Variants in CEP350 observed in about 807,000 individuals in gnomAD.
CEP350 encodes the protein centrosome-associated protein 350.
In CEP350, 126 loss-of-function variants were observed where a neutral mutation model predicts 331.8. The observed-to-expected ratio is 0.38, with a 90% CI of 0.33 to 0.44. The LOEUF is 0.44. CEP350 is among the 20% of genes least tolerant of loss of function. The pLI, the probability that CEP350 is intolerant of heterozygous loss-of-function variation, is 1.00. For synonymous variants in CEP350, 1,200 were observed against 1,259.5 expected, an observed-to-expected ratio of 0.95 and a Z score of 1.00; for missense variants, 3,406 against 3,634.6, an observed-to-expected ratio of 0.94 and a Z score of 1.62.
At chr1:180,078,796 A>T in intron 29 of CEP350, 122 bp downstream of exon 29, 2 of 774,342 alleles carry the variant, frequency 2.6e-6, no homozygotes, top group Non-Finnish European at 4.0e-6. Context: ...AACATATAGG[A>T]TATAACATTT....
chr1:180,090,270 G>A (rs916974303), intron 32 of CEP350, among the ~76,000 whole-genome samples: 1 of 151,996 alleles, frequency 6.6e-6, no homozygotes, highest in African/African-American at 2.4e-5. Flanking sequence ...GATGAGGCCG[G>A]GCGCGGTGGC....
rs550607509 is a variant in CEP350, at chr1:180,052,345, T to C, written c.4793-625T>C. ...TGAGCCCCTGTGCCTGGCCCCTAGA[T>C]TGTGGTTTCTAAATATCATTCTTTA... is the stretch of plus-strand genomic sequence containing the variant. On this transcript the variant is annotated intron_variant, in intron 22 of 37. Transcript: ENST00000367607. The C allele has an allele frequency of 2.3e-4, 87 of 373,422 alleles. No homozygotes were observed. In the Middle Eastern group the frequency reaches 2.4e-3, roughly 10 times the overall value. 23.1% of individuals were successfully genotyped at this position (373,422 alleles called of 1,614,324 possible). A position where few individuals can be genotyped will look rare whatever the true frequency, so the allele number is the denominator to read the frequency against.
At chr1:180,100,077 C>T (rs1051959181) in intron 37 of CEP350, among the ~76,000 whole-genome samples, 33 of 152,156 alleles carry the variant, frequency 2.2e-4, no homozygotes, top group African/African-American at 8.0e-4. Context: ...TGAGCCACCG[C>T]GCCCAGTGTC....
intron 37 of CEP350, among the ~76,000 whole-genome samples, chr1:180,102,134 ATTTTTTTTTTT>A (rs750296355): frequency 1.5e-5 from 2 of 133,930 alleles, no homozygotes; most frequent in Non-Finnish European, 3.2e-5. Context: ...CACCCTTGAC[ATTTTTTTTTTT>A]TTTTTTTTGA....
intron 32 of CEP350, among the ~76,000 whole-genome samples, chr1:180,089,157 G>C (rs1660026774): frequency 6.6e-6 from 1 of 152,150 alleles, no homozygotes; most frequent in African/African-American, 2.4e-5. Context: ...AGATCTTTCT[G>C]ACCACAATAC....
chr1:180,079,394 TAGAA>T (rs1448572105), intron 29 of CEP350, among the ~76,000 whole-genome samples: 1 of 151,998 alleles, frequency 6.6e-6, no homozygotes, highest in Non-Finnish European at 1.5e-5. Flanking sequence ...TTTATTGTGA[TAGAA>T]AGAATTAATT....
rs1478290832 is a variant in CEP350, at chr1:180,075,236, C to T, written c.5767+15C>T. On this transcript the variant is annotated intron_variant, in intron 28 of 37. Transcript: ENST00000367607. ...AGAACAGAAAGGTAATAAATACTAA[C>T]TCTGTTCACACTACAAACTAAAGCC... 8 of 1,584,530 alleles carry T rather than the reference C, an allele frequency of 5.0e-6. No individual in the cohort carries two copies. Among genetic ancestry groups the T allele is most frequent in the Non-Finnish European group, 6.9e-6 (8 of 1,162,420 alleles).
chr1:179,967,818 C>G (rs1363173856), intron 1 of CEP350, among the ~76,000 whole-genome samples: 1 of 152,098 alleles, frequency 6.6e-6, no homozygotes, highest in Non-Finnish European at 1.5e-5. Flanking sequence ...AATATGTATG[C>G]ACACGTATAC....
In CEP350 at chr1:180,020,396, C is replaced by T. The variant is rs1025319470; in HGVS notation, c.2622C>T (p.Thr874=). 2.5e-6 allele frequency: 4 copies of T among 1,613,662 alleles called. No individual in the cohort carries two copies. The highest frequency in any genetic ancestry group is 3.3e-5 in the Admixed American group (2 of 60,002). Residue 874 remains threonine, a synonymous_variant, in exon 12 of 38, where the codon ACC becomes ACT. Coordinates refer to ENST00000367607, the MANE Select transcript of CEP350 (RefSeq NM_014810.5). ...CACCTCAAGAAGATGGACCTTGGACCAAGGCTGTAACTCCACCTGTGAAAG... is the reference window on the plus strand; with the variant it reads ...CACCTCAAGAAGATGGACCTTGGACTAAGGCTGTAACTCCACCTGTGAAAG... ...QQAPQEDGPW[T]KAVTPPVKDD...
At chr1:180,055,836 T>A (rs1159554877) in intron 25 of CEP350, among the ~76,000 whole-genome samples, 2 of 152,114 alleles carry the variant, frequency 1.3e-5, no homozygotes, top group East Asian at 3.9e-4. Context: ...TGAGCCACCT[T>A]ACCCGGCCTG....
Position 179,989,482 on chromosome 1 carries a change from CAAA to C in CEP350, c.121-1010_121-1008del, listed in dbSNP as rs59268913. ...TGGGTGACAGAGTGAGACCCTGTCT[CAAA>C]AAAAAAAAAAAAAATCTGAAGGAAG... On this transcript the variant is annotated intron_variant, in intron 3 of 37. Coordinates refer to ENST00000367607, the MANE Select transcript of CEP350 (RefSeq NM_014810.5). 3.3e-3 allele frequency among the ~76,000 whole-genome samples: 402 copies of C among 121,054 alleles called. 2 individuals carry two copies. The highest frequency in any genetic ancestry group is 4.3e-3 in the Non-Finnish European group (252 of 59,248). 79.4% of individuals were successfully genotyped at this position (121,054 alleles called of 152,430 possible). A position where few individuals can be genotyped will look rare whatever the true frequency, so the allele number is the denominator to read the frequency against.
At chr1:180,061,483 C>T (rs143346408) in intron 25 of CEP350, among the ~76,000 whole-genome samples, 1 of 152,164 alleles carries the variant, frequency 6.6e-6, no homozygotes, top group Admixed American at 6.6e-5. Context: ...TGTGAGCCAC[C>T]ATGCCCAGCC....
At chr1:180,075,493 C>T (rs1225927837) in intron 28 of CEP350, among the ~76,000 whole-genome samples, 1 of 151,868 alleles carries the variant, frequency 6.6e-6, no homozygotes, top group Non-Finnish European at 1.5e-5. Flanking sequence ...AAGAGGCTTG[C>T]TTGAGATCAA....
chr1:180,108,064 T>C (rs2149197390), intron 37 of CEP350, among the ~76,000 whole-genome samples: 1 of 152,144 alleles, frequency 6.6e-6, no homozygotes, highest in Admixed American at 6.5e-5. Context: ...AAGATCCAAA[T>C]TGGGCTCTGA....
chr1:180,097,180 G>A (rs1660530027), intron 36 of CEP350, among the ~76,000 whole-genome samples: 1 of 152,234 alleles, frequency 6.6e-6, no homozygotes, highest in Non-Finnish European at 1.5e-5. Flanking sequence ...CCAGGCCCCT[G>A]TATGTTTTTA....
chr1:180,093,486 C>T lies in CEP350; in HGVS notation c.7381C>T (p.Pro2461Ser), dbSNP rs1202368313. The change falls in exon 34 of 38, where the codon CCT becomes TCT. Residue 2461 changes from proline (P) to serine (S), a missense_variant. Pro to Ser is a moderately conservative substitution (Grantham distance 74). This residue lies in a region of CEP350 where 1,415 missense variants were observed against 1,512.3 expected (regional missense o/e 0.94). Coordinates refer to ENST00000367607, the MANE Select transcript of CEP350 (RefSeq NM_014810.5). ...TGACAGGCTGTTGGAACTCAAGTCC[C>T]CTACTGAGCTGATGAAAAGTAAGGA... Reference protein sequence around the residue: ...HSDRLLELKSPTELMKSKERS... With the variant: ...HSDRLLELKSSTELMKSKERS... 6.2e-7 allele frequency: 1 copy of T among 1,610,852 alleles called. No individual in the cohort carries two copies. The highest frequency in any genetic ancestry group is 2.2e-5 in the East Asian group (1 of 44,832).
At chr1:179,997,598 G>A in intron 6 of CEP350, among the ~76,000 whole-genome samples, 1 of 151,174 alleles carries the variant, frequency 6.6e-6, no homozygotes, top group East Asian at 1.9e-4. Context: ...CAGATTCCTA[G>A]ATCCAACACT....
chr1:179,990,033 A>G (rs1652932131), intron 3 of CEP350, among the ~76,000 whole-genome samples: 1 of 151,838 alleles, frequency 6.6e-6, no homozygotes, highest in African/African-American at 2.4e-5. Context: ...TACTAAAACT[A>G]CAAAAATTAG....
At chr1:180,072,369 T>C (rs1347281178) in intron 27 of CEP350, among the ~76,000 whole-genome samples, 1 of 152,194 alleles carries the variant, frequency 6.6e-6, no homozygotes, top group Non-Finnish European at 1.5e-5. Flanking sequence ...GTTCCAATAT[T>C]ATTTTACTTT....
Sources: allele counts gnomAD v4.1 joint callset (sites outside exome capture counted in the v4.1 genomes callset), GRCh38; gene constraint gnomAD v4.1.1; regional missense constraint gnomAD v4.1.1; transcripts MANE v1.5; gene names NCBI Gene and HGNC (gene_info 2026-07-23, HGNC 2026-07-21).